ABCA1: variants seen among roughly 807,000 people sequenced by gnomAD.
ABCA1 encodes the protein phospholipid-transporting ATPase ABCA1.
Under a neutral mutation model 262.5 loss-of-function variants are expected in ABCA1, and 133 were observed. That is an observed-to-expected ratio of 0.51 (90% CI 0.44 to 0.59). ABCA1 has a LOEUF of 0.59. Ranked by LOEUF, ABCA1 falls within the 20% of genes least tolerant of loss-of-function variation. The pLI is 0.00. For synonymous variants in ABCA1, 1,022 were observed against 1,043.5 expected (o/e 0.98, Z 0.40); for missense variants, 2,452 against 2,777.5 (o/e 0.88, Z 2.63).
rs1216451227 is a variant in ABCA1 at position 104,785,558 on chromosome 9, A to T, written c.6483T>A (p.Leu2161=). Reference sequence around the variant, plus strand: ...CTTTTAGAACACTTCCAGGAAATGCAAGTCCAAAGAAATCCTGGACAGGCT... The same window carrying T: ...CTTTTAGAACACTTCCAGGAAATGCTAGTCCAAAGAAATCCTGGACAGGCT... The part of the protein sequence containing the change: ...DLKPVQDFFG[L]AFPGSVLKEK... Residue 2161 remains leucine, a synonymous_variant, in exon 49 of 50, where the codon CTT becomes CTA. Transcript: ENST00000374736. 1.9e-6 allele frequency: 3 copies of T among 1,614,082 alleles called. No homozygotes were observed. Among genetic ancestry groups the T allele is most frequent in the Non-Finnish European group, 2.5e-6 (3 of 1,180,022 alleles).
intron 3 of ABCA1, among the ~76,000 whole-genome samples, chr9:104,887,000 G>A (rs1004277168): frequency 2.0e-5 from 3 of 152,222 alleles, no homozygotes; most frequent in Admixed American, 6.5e-5. Context: ...GGATATGGCC[G>A]GGCATGGTGG....
chr9:104,899,218 G>C (rs1483079647), intron 2 of ABCA1, among the ~76,000 whole-genome samples: 2 of 152,160 alleles, frequency 1.3e-5, no homozygotes, highest in African/African-American at 2.4e-5. Flanking sequence ...AGCTGGGATT[G>C]GAATCATGAC....
chr9:104,855,685 G>A (rs779709608), intron 7 of ABCA1: 38 of 1,502,760 alleles, frequency 2.5e-5, no homozygotes, highest in Non-Finnish European at 3.3e-5. Flanking sequence ...TGTAGAAGAA[G>A]AGAAAACTGA....
At chr9:104,819,905 G>A (rs763733253) in intron 21 of ABCA1, 22 bp downstream of exon 21, 3 of 1,611,166 alleles carry the variant, frequency 1.9e-6, no homozygotes, top group Non-Finnish European at 2.5e-6. Context: ...AGAGGGATAG[G>A]GAAGGTAGCT....
At chr9:104,847,596 C>T (rs750678040) in intron 7 of ABCA1, among the ~76,000 whole-genome samples, 5 of 152,168 alleles carry the variant, frequency 3.3e-5, no homozygotes, top group Non-Finnish European at 7.4e-5. Flanking sequence ...AGGTCTTAAA[C>T]TTTTTCTTCT....
chr9:104,794,970 T>C (rs2118871332), intron 39 of ABCA1, among the ~76,000 whole-genome samples: 1 of 152,310 alleles, frequency 6.6e-6, no homozygotes, highest in Non-Finnish European at 1.5e-5. Flanking sequence ...TAAGGGGCTA[T>C]ACGCTGGATG....
chr9:104,864,598 T>G (rs183163488), intron 5 of ABCA1, among the ~76,000 whole-genome samples: 8 of 152,238 alleles, frequency 5.3e-5, no homozygotes, highest in Admixed American at 5.2e-4. Context: ...AAAAGGCCTC[T>G]GTGAAACCTC....
intron 2 of ABCA1, among the ~76,000 whole-genome samples, chr9:104,902,872 A>AG: frequency 6.6e-6 from 1 of 152,294 alleles, no homozygotes; most frequent in South Asian, 2.1e-4. Context: ...GGAAAAAAAA[A>AG]TAAAGGCAGA....
At chr9:104,914,947 G>A (rs1420616727) in intron 1 of ABCA1, among the ~76,000 whole-genome samples, 1 of 152,110 alleles carries the variant, frequency 6.6e-6, no homozygotes, top group African/African-American at 2.4e-5. Context: ...TGTGATTGAG[G>A]CTCTAGAACC....
chr9:104,828,203 GC>G (rs1191484204), intron 15 of ABCA1, among the ~76,000 whole-genome samples: 4 of 152,176 alleles, frequency 2.6e-5, no homozygotes, highest in South Asian at 2.1e-4. Flanking sequence ...TGTCACAGCA[GC>G]AGAGAGCCAT....
chr9:104,828,383 C>T (rs373880022), intron 15 of ABCA1, among the ~76,000 whole-genome samples: 5 of 152,206 alleles, frequency 3.3e-5, no homozygotes, highest in African/African-American at 1.2e-4. Flanking sequence ...GAGTGCCCCA[C>T]GGGGTTGGCC....
intron 24 of ABCA1, among the ~76,000 whole-genome samples, chr9:104,816,905 C>T (rs536366631): frequency 6.6e-6 from 1 of 152,292 alleles, no homozygotes; most frequent in East Asian, 1.9e-4. Context: ...TTCTGTTCCA[C>T]ATATGCTACT....
intron 8 of ABCA1, among the ~76,000 whole-genome samples, chr9:104,841,500 G>A (rs958300380): frequency 6.6e-6 from 1 of 151,994 alleles, no homozygotes. Flanking sequence ...TATGTCCCTC[G>A]TCAGCTTACA....
Position 104,803,299 on chromosome 9 carries a change from C to T in ABCA1, c.4577G>A (p.Trp1526Ter), listed in dbSNP as rs1564099818. ...AGCAACTTACCTAAACTCATTCACC[C>T]AGATCTTGTTCTTTAAGCTGCAGAG... ...IIAKSLKNKI[W>*]VNEFRYGGFS... The change falls in exon 33 of 50, where the codon TGG becomes TAG. Residue 1526 changes from tryptophan to a stop codon, truncating the protein, a stop_gained. Transcript: ENST00000374736. LOFTEE classifies it high-confidence loss of function. 6.2e-7 allele frequency: 1 copy of T among 1,614,198 alleles called. No homozygotes were observed. The highest frequency in any genetic ancestry group is 1.7e-5 in the Admixed American group (1 of 60,030).
At chr9:104,822,110 A>G (rs536149432) in intron 19 of ABCA1, among the ~76,000 whole-genome samples, 1 of 152,228 alleles carries the variant, frequency 6.6e-6, no homozygotes, top group African/African-American at 2.4e-5. Flanking sequence ...AGGGAAGGCA[A>G]TCAAGCCAGC....
intron 43 of ABCA1, among the ~76,000 whole-genome samples, chr9:104,791,340 G>A (rs10124686): frequency 0.025 from 3,750 of 152,196 alleles, 64 homozygotes; most frequent in African/African-American, 0.048. Context: ...GAACACAAAC[G>A]GAAACCAGAA....
rs373985239 is a variant in ABCA1, at chr9:104,826,906, T to C, written c.2337+42A>G. ...TTTATTCAGGGACTCCAAAGGAAGGTCAAATGCCTACAGCCACTGAAGAAA... is the reference window on the plus strand; with the variant it reads ...TTTATTCAGGGACTCCAAAGGAAGGCCAAATGCCTACAGCCACTGAAGAAA... On this transcript the variant is annotated intron_variant, in intron 16 of 49. Transcript: ENST00000374736. 5.7e-6 allele frequency: 9 copies of C among 1,576,736 alleles called. No individual in the cohort carries two copies. In the African/African-American group the frequency reaches 1.2e-4, roughly 21 times the overall value.
chr9:104,898,366 T>C (rs144187791), intron 2 of ABCA1, among the ~76,000 whole-genome samples: 8 of 152,054 alleles, frequency 5.3e-5, no homozygotes, highest in African/African-American at 1.9e-4. Context: ...CTGGCCAATA[T>C]GGTGAAACCG....
chr9:104,818,680 C>T lies in ABCA1; in HGVS notation c.3445G>A (p.Val1149Met). 6.2e-7 allele frequency: 1 copy of T among 1,613,188 alleles called. No individual in the cohort carries two copies. Among genetic ancestry groups the T allele is most frequent in the Non-Finnish European group, 8.5e-7 (1 of 1,180,036 alleles). The change falls in exon 23 of 50, where the codon GTG becomes ATG. Residue 1149 changes from valine to methionine, a missense_variant. Physicochemically the swap from Val to Met is conservative, Grantham distance 21. Coordinates refer to ENST00000374736, the MANE Select transcript of ABCA1 (RefSeq NM_005502.4). Reference protein sequence around the residue: ...LSSCRNSSSTVSYLKKEDSVS... With the variant: ...LSSCRNSSSTMSYLKKEDSVS... ...CAGCTCACCTTTTTCAGGTATGACACAGTGCTACTACTGTTTCTGCAGGAA... is the reference window on the plus strand; with the variant it reads ...CAGCTCACCTTTTTCAGGTATGACATAGTGCTACTACTGTTTCTGCAGGAA...
Sources: allele counts gnomAD v4.1 joint callset (sites outside exome capture counted in the v4.1 genomes callset), GRCh38; gene constraint gnomAD v4.1.1; transcripts MANE v1.5; gene names NCBI Gene and HGNC (gene_info 2026-07-23, HGNC 2026-07-21).